CSTF1: variants seen among roughly 807,000 people sequenced by gnomAD.
The protein encoded by CSTF1 is cleavage stimulation factor subunit 1.
In CSTF1, 2 loss-of-function variants were observed where a neutral mutation model predicts 40.9. The ratio of observed to expected loss-of-function variants is 0.05; its 90% confidence interval spans 0.02 to 0.15. The LOEUF (loss-of-function observed/expected upper bound fraction) is 0.15. Ranked by LOEUF, CSTF1 falls within the 10% of genes least tolerant of loss-of-function variation. CSTF1 has a pLI of 1.00. For missense variants in CSTF1, 279 were observed against 558.9 expected (o/e 0.50, Z 5.05); for synonymous variants, 218 against 207.2 (o/e 1.05, Z -0.45).
chr20:56,406,279 C>G lies in CSTF1; in HGVS notation c.*2552C>G, dbSNP rs1978700404. On this transcript the variant is annotated 3_prime_UTR_variant, in exon 6 of 6. Transcript: ENST00000217109. ...ACTCTGCCATTCAAATAATGAATAT[C>G]TGGTCAGGATACGAACTTATACCCT... is the stretch of plus-strand genomic sequence containing the variant. The G allele has an allele frequency of 6.6e-6, 1 of 151,132 alleles. No individual in the cohort carries two copies. The highest frequency in any genetic ancestry group is 2.4e-5 in the African/African-American group (1 of 41,110). 9.4% of individuals were successfully genotyped at this position (151,132 alleles called of 1,614,324 possible). A position where few individuals can be genotyped will look rare whatever the true frequency, so the allele number is the denominator to read the frequency against.
chr20:56,397,924 C>A lies in CSTF1; in HGVS notation c.645+83C>A. ...CAACTATTCTCTTTTTAAAAGTAGT[C>A]TCAGTGATCATCCTGTAAGATGCGT... On this transcript the variant is annotated intron_variant, in intron 4 of 5. Coordinates refer to ENST00000217109, the MANE Select transcript of CSTF1 (RefSeq NM_001324.3). This position sits in a 1 kb window ranked among gnomAD's most constrained non-coding sequence, Gnocchi z 4.4. The A allele has an allele frequency of 8.9e-7, 1 of 1,122,224 alleles. No individual in the cohort carries two copies. The allele number at this position is 1,122,224 out of a possible 1,614,324, so 69.5% of individuals were successfully genotyped here.
intron 5 of CSTF1, among the ~76,000 whole-genome samples, chr20:56,403,084 A>T (rs989612704): frequency 7.2e-5 from 11 of 152,370 alleles, no homozygotes; most frequent in African/African-American, 2.4e-4. Flanking sequence ...TAGTGGCAAC[A>T]ATTTTATATG....
At chr20:56,401,199 G>A (rs1978435367) in intron 5 of CSTF1, among the ~76,000 whole-genome samples, 1 of 152,136 alleles carries the variant, frequency 6.6e-6, no homozygotes. Flanking sequence ...ATATACAGAT[G>A]TTAGACATTG....
In CSTF1 at chr20:56,399,337, G is replaced by A. The variant is rs148792669; in HGVS notation, c.1016G>A (p.Arg339Gln). The change falls in exon 5 of 6, where the codon CGA becomes CAA. Residue 339 changes from arginine to glutamine, a missense_variant. By Grantham distance (43) the Arg-to-Gln change is conservative. Around this residue, in one of 4 missense-constraint regions of CSTF1, gnomAD observed 162 missense variants for 337.1 expected, o/e 0.48. Coordinates refer to ENST00000217109, the MANE Select transcript of CSTF1 (RefSeq NM_001324.3). This position sits in a 1 kb window ranked among gnomAD's most constrained non-coding sequence, Gnocchi z 4.6. ...VAKLWEISTG[R>Q]TLVRYTGAGL... Reference sequence around the variant, plus strand: ...AAACTTTGGGAAATATCAACGGGACGAACACTGGTCAGATACACGGGTATG... The same window carrying A: ...AAACTTTGGGAAATATCAACGGGACAAACACTGGTCAGATACACGGGTATG... 6 of 1,611,582 alleles carry A rather than the reference G, an allele frequency of 3.7e-6. No individual in the cohort carries two copies. The highest frequency in any genetic ancestry group is 2.2e-5 in the East Asian group (1 of 44,848).
intron 5 of CSTF1, 50 bp from the exon 6 acceptor site, chr20:56,403,418 G>A: frequency 8.1e-6 from 13 of 1,601,908 alleles, no homozygotes; most frequent in Non-Finnish European, 1.1e-5. Flanking sequence ...AACGTTCTGA[G>A]GGTCTAAGAT....
Position 56,403,878 on chromosome 20 carries a change from T to C in CSTF1, c.*151T>C. On this transcript the variant is annotated 3_prime_UTR_variant, in exon 6 of 6. Transcript: ENST00000217109. ...TTGGATTTGTATAAAAGAATCTTTTTTTACCTTGATGTAGAATCATGGTGG... is the reference window on the plus strand; with the variant it reads ...TTGGATTTGTATAAAAGAATCTTTTCTTACCTTGATGTAGAATCATGGTGG... 1.3e-6 allele frequency: 1 copy of C among 790,546 alleles called. No individual in the cohort carries two copies. The highest frequency in any genetic ancestry group is 2.0e-6 in the Non-Finnish European group (1 of 501,612). 49.0% of individuals were successfully genotyped at this position (790,546 alleles called of 1,614,324 possible).
chr20:56,400,315 C>T (rs1363850069), intron 5 of CSTF1, among the ~76,000 whole-genome samples: 1 of 152,106 alleles, frequency 6.6e-6, no homozygotes, highest in Non-Finnish European at 1.5e-5. Context: ...TTAGGAAGAG[C>T]CATTTTTATC....
At chr20:56,392,786 G>A (rs947379141) in intron 1 of CSTF1, 73 bp downstream of exon 1, 7 of 152,254 alleles carry the variant, frequency 4.6e-5, no homozygotes, top group Admixed American at 6.5e-5. Flanking sequence ...AACGACTGGG[G>A]CGAGACTGGA....
chr20:56,393,127 T>TAC (rs1987340835), intron 1 of CSTF1, among the ~76,000 whole-genome samples: 1 of 133,518 alleles, frequency 7.5e-6, no homozygotes, highest in Non-Finnish European at 1.6e-5. Flanking sequence ...AATATATATA[T>TAC]ATATACACAC....
chr20:56,399,684 C>T lies in CSTF1; in HGVS notation c.1036+327C>T, dbSNP rs1978371431. 6.6e-6 allele frequency among the ~76,000 whole-genome samples: 1 copy of T among 152,146 alleles called. No individual in the cohort carries two copies. On this transcript the variant is annotated intron_variant, in intron 5 of 5. Coordinates refer to ENST00000217109, the MANE Select transcript of CSTF1 (RefSeq NM_001324.3). This position sits in a 1 kb window ranked among gnomAD's most constrained non-coding sequence, Gnocchi z 4.6. ...CTTCCCACAGAAATGTGAAAGCAAT[C>T]CAGAGAAAAGTTTCCAATAGTAGAT...
At chr20:56,400,023 A>G (rs1227919862) in intron 5 of CSTF1, among the ~76,000 whole-genome samples, 1 of 152,252 alleles carries the variant, frequency 6.6e-6, no homozygotes, top group Non-Finnish European at 1.5e-5. Context: ...TCCTTGTAGC[A>G]GCAAAGACTG....
chr20:56,403,216 C>T (rs1297332064), intron 5 of CSTF1, among the ~76,000 whole-genome samples: 8 of 151,498 alleles, frequency 5.3e-5, no homozygotes, highest in African/African-American at 1.9e-4. Flanking sequence ...GCTCTGTTGC[C>T]TGTTGCCCAG....
At chr20:56,402,194 C>A (rs1460843199) in intron 5 of CSTF1, among the ~76,000 whole-genome samples, 1 of 151,902 alleles carries the variant, frequency 6.6e-6, no homozygotes, top group Non-Finnish European at 1.5e-5. Context: ...GTAATCCCAG[C>A]TACTCAGGAG....
At position 56,399,430 on chromosome 20, in the gene CSTF1, A is replaced by G. The variant is rs1006706862; in HGVS notation, c.1036+73A>G. On this transcript the variant is annotated intron_variant, in intron 5 of 5. Transcript: ENST00000217109. This position sits in a 1 kb window ranked among gnomAD's most constrained non-coding sequence, Gnocchi z 4.6. ...TTCCAGAACTCTCTTTTAAGACCTC[A>G]CAATAGAGCAACACAATATCTATGC... is the stretch of plus-strand genomic sequence containing the variant. 7.6e-7 allele frequency: 1 copy of G among 1,311,420 alleles called. No homozygotes were observed. The highest frequency in any genetic ancestry group is 1.4e-5 in the South Asian group (1 of 72,964). The allele number at this position is 1,311,420 out of a possible 1,614,324, so 81.2% of individuals were successfully genotyped here. A position where few individuals can be genotyped will look rare whatever the true frequency, so the allele number is the denominator to read the frequency against.
intron 5 of CSTF1, among the ~76,000 whole-genome samples, chr20:56,401,696 G>A (rs1978459369): frequency 6.6e-6 from 1 of 152,162 alleles, no homozygotes; most frequent in Non-Finnish European, 1.5e-5. Context: ...ACGCATCCAT[G>A]GACAACATAC....
At chr20:56,400,656 C>T (rs140891677) in intron 5 of CSTF1, among the ~76,000 whole-genome samples, 36 of 152,280 alleles carry the variant, frequency 2.4e-4, no homozygotes, top group African/African-American at 7.7e-4. Flanking sequence ...TGAATTTATG[C>T]ACAGATTCCC....
chr20:56,398,432 T>G (rs931983553), intron 4 of CSTF1, among the ~76,000 whole-genome samples: 3 of 152,178 alleles, frequency 2.0e-5, no homozygotes, highest in African/African-American at 7.2e-5. Context: ...CAGCTGGGCA[T>G]GGTGGCACGC....
In CSTF1 at chr20:56,405,652, G is replaced by A. The variant is rs1403434986; in HGVS notation, c.*1925G>A. 1.3e-5 allele frequency: 2 copies of A among 152,184 alleles called. No homozygotes were observed. The highest frequency in any genetic ancestry group is 2.9e-5 in the Non-Finnish European group (2 of 68,036). The allele number at this position is 152,184 out of a possible 1,614,324, so 9.4% of individuals were successfully genotyped here. On this transcript the variant is annotated 3_prime_UTR_variant, in exon 6 of 6. Coordinates refer to ENST00000217109, the MANE Select transcript of CSTF1 (RefSeq NM_001324.3). ...GGGTTTTAGCTCAGATTTCCAAAGA[G>A]CCATATTTTTTGATGCATATTTCCA... is the stretch of plus-strand genomic sequence containing the variant.
intron 1 of CSTF1, among the ~76,000 whole-genome samples, chr20:56,393,839 G>T (rs1460834492): frequency 1.3e-5 from 2 of 152,024 alleles, no homozygotes; most frequent in Non-Finnish European, 2.9e-5. Context: ...ATTTTTGGAG[G>T]GTCAGACTTT....
Sources: allele counts gnomAD v4.1 joint callset (sites outside exome capture counted in the v4.1 genomes callset), GRCh38; gene constraint gnomAD v4.1.1; regional missense constraint gnomAD v4.1.1; non-coding constraint Gnocchi (gnomAD v3.1); transcripts MANE v1.5; gene names NCBI Gene and HGNC (gene_info 2026-07-23, HGNC 2026-07-21).